Variants in CNTNAP3B observed in about 807,000 individuals in gnomAD.
CNTNAP3B encodes contactin-associated protein-like 3B.
Under a neutral mutation model 108.9 loss-of-function variants are expected in CNTNAP3B, and 25 were observed. The observed-to-expected ratio is 0.23, with a 90% confidence interval of 0.17 to 0.32. The LOEUF (loss-of-function observed/expected upper bound fraction) is 0.32. Ranked by LOEUF, CNTNAP3B falls within the 10% of genes least tolerant of loss-of-function variation. CNTNAP3B has a pLI of 1.00. For synonymous variants in CNTNAP3B, 103 were observed against 473.4 expected, an observed-to-expected ratio of 0.22 and a Z score of 10.16; for missense variants, 252 against 1,210.4, an observed-to-expected ratio of 0.21 and a Z score of 11.75.
rs534960953 is a variant in CNTNAP3B at position 42,071,427 on chromosome 9, C to T, written c.390+5442G>A. ...CATTTTTAAAGAGCAGCTAGAAGAA[C>T]AACATAGCACAAAATATTTGAAGCC... On this transcript the variant is annotated intron_variant, in intron 3 of 23. Transcript: ENST00000377561. Among the ~76,000 whole-genome samples, 6 of 136,236 alleles carry T rather than the reference C, an allele frequency of 4.4e-5. 2 individuals are homozygous for T. In the East Asian group the frequency reaches 1.4e-3, roughly 31 times the overall value. The allele number at this position is 136,236 out of a possible 152,430, so 89.4% of individuals were successfully genotyped here. A position where few individuals can be genotyped will look rare whatever the true frequency, so the allele number is the denominator to read the frequency against.
intron 9 of CNTNAP3B, among the ~76,000 whole-genome samples, chr9:41,972,931 G>T (rs1825447832): frequency 2.0e-5 from 2 of 100,292 alleles, no homozygotes; most frequent in East Asian, 4.2e-4. Context: ...CATAACTTAG[G>T]TTATCTTTTT....
chr9:42,111,830 C>T (rs1476372958), intron 1 of CNTNAP3B, among the ~76,000 whole-genome samples: 11 of 138,086 alleles, frequency 8.0e-5, no homozygotes, highest in Admixed American at 2.2e-4. Flanking sequence ...CTCATGTTAA[C>T]GACCTAACTA....
At chr9:41,943,689 C>A (rs531906323) in intron 13 of CNTNAP3B, among the ~76,000 whole-genome samples, 1 of 148,568 alleles carries the variant, frequency 6.7e-6, no homozygotes, top group Non-Finnish European at 1.5e-5. Flanking sequence ...ACCTATGTAA[C>A]CCATAATCGG....
chr9:41,938,667 A>G (rs1824234239), intron 13 of CNTNAP3B, among the ~76,000 whole-genome samples: 1 of 152,290 alleles, frequency 6.6e-6, no homozygotes, highest in South Asian at 2.1e-4. Flanking sequence ...CGTGATACAT[A>G]CTTTCTATAG....
At position 41,926,461 on chromosome 9, in the gene CNTNAP3B, A is replaced by T. The variant is rs1344162924; in HGVS notation, c.2366-2368T>A. Among the ~76,000 whole-genome samples, 383 of 152,250 alleles carry T rather than the reference A, an allele frequency of 2.5e-3. 1 individual carries two copies. The highest frequency in any genetic ancestry group is 8.2e-3 in the African/African-American group (338 of 41,470). On this transcript the variant is annotated intron_variant, in intron 15 of 23. Transcript: ENST00000377561. ...ATTTTTCTTTCTTTCTTCATTAATC[A>T]ATTTATTTATTTATTTTAGAGATGA...
intron 13 of CNTNAP3B, among the ~76,000 whole-genome samples, chr9:41,947,460 T>A (rs1333721658): frequency 6.6e-6 from 1 of 152,146 alleles, no homozygotes; most frequent in Admixed American, 6.5e-5. Context: ...ATTAAAATAC[T>A]TAAATGAAAA....
chr9:41,955,472 A>G (rs1419349256), intron 12 of CNTNAP3B, among the ~76,000 whole-genome samples: 2 of 152,308 alleles, frequency 1.3e-5, no homozygotes, highest in African/African-American at 2.4e-5. Flanking sequence ...TCAATTGATT[A>G]TAAGCATATT....
At chr9:41,953,118 T>A in intron 13 of CNTNAP3B, 65 bp downstream of exon 13, 2 of 1,430,646 alleles carry the variant, frequency 1.4e-6, no homozygotes, top group Non-Finnish European at 1.8e-6. Flanking sequence ...CTCAAAGGCA[T>A]CTCGCAGCCC....
rs563571801 is a variant in CNTNAP3B, at chr9:41,990,742, C to T, written c.1333+868G>A. Reference sequence around the variant, plus strand: ...GTCAATTTAGGACCCAGTGCTCCTCCCATCTGCAAATCCAATCATCAAAAT... The same window carrying T: ...GTCAATTTAGGACCCAGTGCTCCTCTCATCTGCAAATCCAATCATCAAAAT... On this transcript the variant is annotated intron_variant, in intron 8 of 23. Transcript: ENST00000377561. Among the ~76,000 whole-genome samples the T allele has an allele frequency of 1.3e-4, 18 of 135,190 alleles. 1 individual carries two copies. The highest frequency in any genetic ancestry group is 4.5e-4 in the Admixed American group (6 of 13,290). 88.7% of individuals were successfully genotyped at this position (135,190 alleles called of 152,430 possible). A position where few individuals can be genotyped will look rare whatever the true frequency, so the allele number is the denominator to read the frequency against.
At position 42,085,841 on chromosome 9, in the gene CNTNAP3B, A is replaced by G. The variant is rs898390485; in HGVS notation, c.197-8779T>C. Among the ~76,000 whole-genome samples the G allele has an allele frequency of 7.0e-5, 10 of 143,324 alleles. 3 individuals carry two copies. The highest frequency in any genetic ancestry group is 2.7e-4 in the African/African-American group (10 of 36,368). The allele number at this position is 143,324 out of a possible 152,430, so 94.0% of individuals were successfully genotyped here. On this transcript the variant is annotated intron_variant, in intron 2 of 23. Transcript: ENST00000377561. ...CATTCTTCATTAAGAGTAATTGGTA[A>G]CATTAAGCAACAATTAAGTACATAA... is the stretch of plus-strand genomic sequence containing the variant.
intron 1 of CNTNAP3B, among the ~76,000 whole-genome samples, chr9:42,118,305 A>G (rs1317519933): frequency 7.2e-6 from 1 of 139,458 alleles, no homozygotes; most frequent in Non-Finnish European, 1.5e-5. Flanking sequence ...GAATACAGCA[A>G]CACATCAAAA....
Position 42,114,769 on chromosome 9 carries a change from T to C in CNTNAP3B, c.86-10030A>G, listed in dbSNP as rs1385487328. ...CATGTTCCACTGAAGAAGAGAGAAA[T>C]GGGCAAAGTAACCAAGGAAAGAATA... On this transcript the variant is annotated intron_variant, in intron 1 of 23. Transcript: ENST00000377561. Among the ~76,000 whole-genome samples the C allele has an allele frequency of 3.0e-5, 4 of 134,292 alleles. 1 individual carries two copies. Among genetic ancestry groups the C allele is most frequent in the African/African-American group, 1.2e-4 (4 of 33,036 alleles). 88.1% of individuals were successfully genotyped at this position (134,292 alleles called of 152,430 possible). A position where few individuals can be genotyped will look rare whatever the true frequency, so the allele number is the denominator to read the frequency against.
intron 2 of CNTNAP3B, among the ~76,000 whole-genome samples, chr9:42,081,330 C>T (rs1170760233): frequency 6.7e-6 from 1 of 148,918 alleles, no homozygotes; most frequent in Non-Finnish European, 1.5e-5. Flanking sequence ...AATGTTCACA[C>T]AACATAGGAT....
At chr9:41,950,752 T>G (rs1824651977) in intron 13 of CNTNAP3B, among the ~76,000 whole-genome samples, 1 of 109,866 alleles carries the variant, frequency 9.1e-6, no homozygotes, top group Non-Finnish European at 1.9e-5. Context: ...GAATTCTTTT[T>G]TTTTTTTTTT....
At chr9:42,054,914 G>T (rs1228999784) in intron 3 of CNTNAP3B, among the ~76,000 whole-genome samples, 2 of 146,962 alleles carry the variant, frequency 1.4e-5, no homozygotes, top group African/African-American at 2.6e-5. Context: ...CTGTTCCTTC[G>T]CATTTGAAAG....
At chr9:41,939,668 A>G (rs1246111369) in intron 13 of CNTNAP3B, among the ~76,000 whole-genome samples, 1 of 152,294 alleles carries the variant, frequency 6.6e-6, no homozygotes, top group Non-Finnish European at 1.5e-5. Flanking sequence ...CGACTTCACC[A>G]TTAAACTGTC....
At chr9:41,925,725 A>T (rs1823800181) in intron 15 of CNTNAP3B, among the ~76,000 whole-genome samples, 1 of 152,286 alleles carries the variant, frequency 6.6e-6, no homozygotes, top group Non-Finnish European at 1.5e-5. Flanking sequence ...ATACTCTATA[A>T]CTTATTTTGA....
At chr9:42,017,046 T>A (rs1278674499) in intron 3 of CNTNAP3B, among the ~76,000 whole-genome samples, 4 of 151,068 alleles carry the variant, frequency 2.6e-5, no homozygotes, top group African/African-American at 4.9e-5. Context: ...AAAATGAGTA[T>A]TTTCAGATAA....
chr9:41,940,803 A>G (rs901382491), intron 13 of CNTNAP3B, among the ~76,000 whole-genome samples: 1 of 152,130 alleles, frequency 6.6e-6, no homozygotes, highest in Non-Finnish European at 1.5e-5. Context: ...CGACAGAGTG[A>G]GACTCCATCT....
Sources: allele counts gnomAD v4.1 joint callset (sites outside exome capture counted in the v4.1 genomes callset), GRCh38; gene constraint gnomAD v4.1.1; transcripts MANE v1.5; gene names NCBI Gene and HGNC (gene_info 2026-07-23, HGNC 2026-07-21).